GTF2IRD1: variants seen among roughly 807,000 people sequenced by gnomAD.
GTF2IRD1 encodes GTF2I repeat domain containing 1.
GTF2IRD1 carries 26 observed loss-of-function variants against 113.2 expected under a neutral mutation model. The ratio of observed to expected loss-of-function variants is 0.23; its 90% CI spans 0.17 to 0.32. GTF2IRD1 has a LOEUF of 0.32. GTF2IRD1 is among the 10% of genes least tolerant of loss of function. The pLI is 1.00. For synonymous variants in GTF2IRD1, 484 were observed against 529.1 expected (o/e 0.91, Z 1.17); for missense variants, 864 against 1,280.8 (o/e 0.67, Z 4.97).
At chr7:74,574,785 G>A (rs1381106047) in intron 22 of GTF2IRD1, among the ~76,000 whole-genome samples, 26 of 146,988 alleles carry the variant, frequency 1.8e-4, no homozygotes, top group African/African-American at 6.3e-4. Context: ...AATCAACACT[G>A]ATTAAAAAAA....
At chr7:74,460,634 G>A (rs1006331687) in intron 1 of GTF2IRD1, among the ~76,000 whole-genome samples, 1 of 151,636 alleles carries the variant, frequency 6.6e-6, no homozygotes, top group Non-Finnish European at 1.5e-5. Context: ...GTGGCCTGAG[G>A]GGTGCCCAGG....
chr7:74,478,734 G>A (rs1794569029), intron 1 of GTF2IRD1, among the ~76,000 whole-genome samples: 1 of 150,920 alleles, frequency 6.6e-6, no homozygotes, highest in Admixed American at 6.6e-5. Context: ...GGGATTATAG[G>A]CATGAGCCAC....
Position 74,594,675 on chromosome 7 carries a change from G to A in GTF2IRD1, c.2592-339G>A, listed in dbSNP as rs1382647308. ...AAACAGCCAGACACCTGGATTCTCC[G>A]GGCGCGATGGCTCATGCCTGTATCC... On this transcript the variant is annotated intron_variant, in intron 24 of 26. Coordinates refer to ENST00000424337, the MANE Select transcript of GTF2IRD1 (RefSeq NM_005685.4). Among the ~76,000 whole-genome samples the A allele has an allele frequency of 2.6e-5, 4 of 152,288 alleles. No homozygotes were observed. The South Asian group carries it at 6.2e-4, about 24-fold the overall frequency.
intron 22 of GTF2IRD1, among the ~76,000 whole-genome samples, chr7:74,585,967 A>C (rs587706659): frequency 7.9e-5 from 12 of 152,192 alleles, no homozygotes; most frequent in African/African-American, 2.6e-4. Context: ...TGGAAAGACC[A>C]GGGCTTTGGG....
intron 9 of GTF2IRD1, among the ~76,000 whole-genome samples, chr7:74,533,765 G>A (rs1174868270): frequency 6.6e-6 from 1 of 152,134 alleles, no homozygotes; most frequent in African/African-American, 2.4e-5. Flanking sequence ...CAGGCACAGT[G>A]GCTCTTGTCT....
intron 14 of GTF2IRD1, 100 bp downstream of exon 14, chr7:74,540,068 A>T: frequency 1.2e-6 from 1 of 808,084 alleles, no homozygotes; most frequent in East Asian, 2.5e-5. Context: ...TCTTGGTGTC[A>T]GCCGTCTGTA....
intron 1 of GTF2IRD1, among the ~76,000 whole-genome samples, chr7:74,477,714 C>T (rs1445650189): frequency 6.6e-6 from 1 of 151,626 alleles, no homozygotes; most frequent in Non-Finnish European, 1.5e-5. Flanking sequence ...CCCGTTGGCT[C>T]AGTGGTTGCA....
chr7:74,460,879 CCACAG>C (rs1396220837), intron 1 of GTF2IRD1, among the ~76,000 whole-genome samples: 2 of 152,186 alleles, frequency 1.3e-5, no homozygotes, highest in Non-Finnish European at 2.9e-5. Flanking sequence ...GGGGCTGACC[CCACAG>C]CACGGAGGCT....
chr7:74,518,020 T>C, intron 4 of GTF2IRD1, 119 bp from the exon 5 acceptor site: 1 of 625,470 alleles, frequency 1.6e-6, no homozygotes, highest in African/African-American at 1.9e-5. Flanking sequence ...GAGGGGTCCA[T>C]GGGAACCCCG....
intron 1 of GTF2IRD1, among the ~76,000 whole-genome samples, chr7:74,498,908 T>A (rs1554338742): frequency 6.6e-6 from 1 of 152,108 alleles, no homozygotes; most frequent in African/African-American, 2.4e-5. Context: ...TTTTGTATTT[T>A]TAGTAGAGAT....
chr7:74,596,321 C>A (rs1174548665), intron 25 of GTF2IRD1, among the ~76,000 whole-genome samples: 1 of 152,030 alleles, frequency 6.6e-6, no homozygotes, highest in Non-Finnish European at 1.5e-5. Flanking sequence ...ATTAGCCAGG[C>A]ATGGTGGCAC....
At chr7:74,572,947 T>C (rs1245392375) in intron 22 of GTF2IRD1, among the ~76,000 whole-genome samples, 1 of 152,110 alleles carries the variant, frequency 6.6e-6, no homozygotes, top group Non-Finnish European at 1.5e-5. Context: ...GCCCGACGCC[T>C]CCTTTCTTCT....
chr7:74,564,206 G>A (rs1554359952), intron 22 of GTF2IRD1, among the ~76,000 whole-genome samples: 1 of 152,002 alleles, frequency 6.6e-6, no homozygotes, highest in African/African-American at 2.4e-5. Flanking sequence ...TTTGTATTTT[G>A]AGTAGAGACG....
chr7:74,484,453 CTTTTTTTT>C (rs1173256681), intron 1 of GTF2IRD1, among the ~76,000 whole-genome samples: 1 of 126,104 alleles, frequency 7.9e-6, no homozygotes, highest in Non-Finnish European at 1.7e-5. Flanking sequence ...GGCCATCCTT[CTTTTTTTT>C]TTTTTTTTTT....
chr7:74,529,550 C>A (rs1165832013), intron 8 of GTF2IRD1, among the ~76,000 whole-genome samples, 184 bp from the exon 9 acceptor site: 2 of 152,142 alleles, frequency 1.3e-5, no homozygotes, highest in African/African-American at 4.8e-5. Context: ...GTCACCGCAC[C>A]CAGCCCAGCC....
intron 1 of GTF2IRD1, among the ~76,000 whole-genome samples, chr7:74,483,804 A>G (rs978437792): frequency 1.3e-5 from 2 of 152,194 alleles, no homozygotes; most frequent in African/African-American, 2.4e-5. Flanking sequence ...GCAGTGAGCC[A>G]TAATCACGCC....
At chr7:74,504,771 C>G (rs1796216765) in intron 1 of GTF2IRD1, among the ~76,000 whole-genome samples, 1 of 148,574 alleles carries the variant, frequency 6.7e-6, no homozygotes, top group Non-Finnish European at 1.5e-5. Flanking sequence ...GCAGTGGCGC[C>G]ATCTCGGCTC....
chr7:74,589,084 C>T (rs1332407099), intron 22 of GTF2IRD1, among the ~76,000 whole-genome samples: 5 of 152,092 alleles, frequency 3.3e-5, no homozygotes, highest in Admixed American at 3.3e-4. Context: ...GGCTGGCCAC[C>T]GTGGCTCACA....
rs587741087 is a variant in GTF2IRD1 at position 74,530,622 on chromosome 7, G to T, written c.1274+705G>T. Among the ~76,000 whole-genome samples the T allele has an allele frequency of 2.1e-3, 307 of 148,902 alleles. 1 individual carries two copies. Among genetic ancestry groups the T allele is most frequent in the Non-Finnish European group, 3.0e-3 (199 of 67,452 alleles). On this transcript the variant is annotated intron_variant, in intron 9 of 26. Transcript: ENST00000424337. ...AAAAAAAAAAAAAGGCGGCAGGGGTGGGGGGAAGGGACAATGATGGCCCCC... is the reference window on the plus strand; with the variant it reads ...AAAAAAAAAAAAAGGCGGCAGGGGTTGGGGGAAGGGACAATGATGGCCCCC...
Sources: gnomAD v4.1 joint callset for allele counts (sites outside exome capture counted in the v4.1 genomes callset) on GRCh38, gnomAD v4.1.1 for gene constraint, MANE v1.5 for transcripts, NCBI Gene and HGNC (gene_info 2026-07-23, HGNC 2026-07-21) for gene names.